The following PHC1 variants were observed in gnomAD, a reference collection of about 807,000 sequenced individuals.
The protein encoded by PHC1 is polyhomeotic homolog 1.
Under a neutral mutation model 104.3 loss-of-function variants are expected in PHC1, and 12 were observed. The ratio of observed to expected loss-of-function variants is 0.12; its 90% CI spans 0.07 to 0.19. The LOEUF (loss-of-function observed/expected upper bound fraction) is 0.19. Ranked by LOEUF, PHC1 falls within the 10% of genes least tolerant of loss-of-function variation. PHC1 has a pLI of 1.00. For synonymous variants in PHC1, 302 were observed against 455.8 expected, an observed-to-expected ratio of 0.66 and a Z score of 4.30; for missense variants, 671 against 1,200.0, an observed-to-expected ratio of 0.56 and a Z score of 6.51.
intron 6 of PHC1, among the ~76,000 whole-genome samples, chr12:8,923,762 G>A (rs1313441589): frequency 8.0e-5 from 12 of 150,684 alleles, no homozygotes; most frequent in African/African-American, 2.0e-4. Flanking sequence ...CCCGGGAGGC[G>A]GAGCTTGCAG....
At chr12:8,932,191 CAGCCTTTGAGA>C (rs57340788) in intron 7 of PHC1, among the ~76,000 whole-genome samples, 55,684 of 151,878 alleles carry the variant, frequency 0.37, 10,595 homozygotes, top group Admixed American at 0.43. Context: ...AACATGGATT[CAGCCTTTGAGA>C]AACTCCAAGT....
intron 3 of PHC1, among the ~76,000 whole-genome samples, chr12:8,920,205 A>G (rs1035157114): frequency 6.6e-6 from 1 of 152,260 alleles, no homozygotes; most frequent in Non-Finnish European, 1.5e-5. Context: ...GTACAAAAAA[A>G]GGTAAAATAT....
intron 10 of PHC1, 32 bp from the exon 11 acceptor site, chr12:8,935,092 G>A: frequency 1.7e-6 from 2 of 1,154,248 alleles, no homozygotes; most frequent in Non-Finnish European, 2.5e-6. Flanking sequence ...AGGGGATCAG[G>A]CTAACTTAAC....
Position 8,937,302 on chromosome 12 carries a change from C to G in PHC1, c.2604C>G (p.Ala868=). 1 of 1,609,814 alleles carries G rather than the reference C, an allele frequency of 6.2e-7. No individual in the cohort carries two copies. The highest frequency in any genetic ancestry group is 8.5e-7 in the Non-Finnish European group (1 of 1,177,972). Reference sequence around the variant, plus strand: ...GCAGCTCCTCTGACATTGCCCGTGCCAAGATTCAGGGCAAGTGCCACCGGG... The same window carrying G: ...GCAGCTCCTCTGACATTGCCCGTGCGAAGATTCAGGGCAAGTGCCACCGGG... ...PRRSSSDIAR[A]KIQGKCHRGQ... Residue 868 remains alanine, a synonymous_variant, in exon 13 of 15, where the codon GCC becomes GCG. Coordinates refer to ENST00000544916, the MANE Select transcript of PHC1 (RefSeq NM_004426.3).
At position 8,932,874 on chromosome 12, in the gene PHC1, G is replaced by T. The variant is rs746879290; in HGVS notation, c.1417G>T (p.Val473Phe). 9.1e-7 allele frequency: 1 copy of T among 1,103,748 alleles called. No homozygotes were observed. The highest frequency in any genetic ancestry group is 2.4e-5 in the East Asian group (1 of 41,248). 68.4% of individuals were successfully genotyped at this position (1,103,748 alleles called of 1,614,324 possible). A position where few individuals can be genotyped will look rare whatever the true frequency, so the allele number is the denominator to read the frequency against. ...CCAGCAGCAAGCCCAAACCCTGGTC[G>T]TTCAGCCCATGCTTCAGTCTTCACC... ...QSQQQAQTLV[V>F]QPMLQSSPLS... The change falls in exon 8 of 15, where the codon GTT becomes TTT. Residue 473 changes from valine to phenylalanine, a missense_variant. This residue lies in a region of PHC1 where 26 missense variants were observed against 130.8 expected (regional missense o/e 0.20). Coordinates refer to ENST00000544916, the MANE Select transcript of PHC1 (RefSeq NM_004426.3).
chr12:8,935,620 C>CT (rs1438552519), intron 11 of PHC1, among the ~76,000 whole-genome samples: 1 of 151,796 alleles, frequency 6.6e-6, no homozygotes, highest in Admixed American at 6.5e-5. Context: ...GAGCGAGACT[C>CT]TGTCTCAAAA....
intron 14 of PHC1, 75 bp from the exon 15 acceptor site, chr12:8,939,230 C>G (rs773206650): frequency 6.4e-7 from 1 of 1,554,554 alleles, no homozygotes; most frequent in Admixed American, 1.8e-5. Flanking sequence ...TTAATCATTG[C>G]TAGACCTCAG....
intron 6 of PHC1, among the ~76,000 whole-genome samples, chr12:8,923,761 C>T (rs1010430043): frequency 3.6e-5 from 5 of 140,460 alleles, no homozygotes; most frequent in Non-Finnish European, 7.5e-5. Context: ...ACCCGGGAGG[C>T]GGAGCTTGCA....
chr12:8,938,445 CTT>C (rs11399108), intron 14 of PHC1, among the ~76,000 whole-genome samples: 13 of 142,218 alleles, frequency 9.1e-5, no homozygotes, highest in Non-Finnish European at 9.1e-5. Context: ...TGCTAGTCTT[CTT>C]TTTTTTTTTT....
Position 8,922,720 on chromosome 12 carries a change from G to A in PHC1, c.544G>A (p.Ala182Thr), listed in dbSNP as rs756527116. 6.2e-6 allele frequency: 10 copies of A among 1,611,640 alleles called. No homozygotes were observed. The highest frequency in any genetic ancestry group is 3.3e-5 in the South Asian group (3 of 90,282). ...CCAACTCATCCTGATGCCTAATGGG[G>A]CGGTGGCTGCAGTCCAGCAGGAGGT... is the stretch of plus-strand genomic sequence containing the variant. ...ASQLILMPNG[A>T]VAAVQQEVPS... is the part of the protein sequence containing the mutation. The change falls in exon 6 of 15, where the codon GCG becomes ACG. Residue 182 changes from alanine to threonine, a missense_variant. Coordinates refer to ENST00000544916, the MANE Select transcript of PHC1 (RefSeq NM_004426.3).
At chr12:8,926,057 A>G (rs369814064) in intron 6 of PHC1, among the ~76,000 whole-genome samples, 2 of 152,174 alleles carry the variant, frequency 1.3e-5, no homozygotes, top group Admixed American at 1.3e-4. Flanking sequence ...CAGATAGGAA[A>G]TCTGTGGGGT....
intron 10 of PHC1, among the ~76,000 whole-genome samples, chr12:8,934,726 G>C (rs973615790): frequency 6.6e-6 from 1 of 152,142 alleles, no homozygotes; most frequent in African/African-American, 2.4e-5. Flanking sequence ...AGATAAACTA[G>C]TTTGTTTTAT....
chr12:8,929,812 G>A (rs999942350), intron 6 of PHC1, among the ~76,000 whole-genome samples: 6 of 152,102 alleles, frequency 3.9e-5, no homozygotes, highest in Non-Finnish European at 1.5e-5. Context: ...GAGTCATAGC[G>A]CCCAGCCTAA....
intron 6 of PHC1, among the ~76,000 whole-genome samples, chr12:8,925,688 G>A (rs1051578499): frequency 6.6e-6 from 1 of 152,148 alleles, no homozygotes; most frequent in Non-Finnish European, 1.5e-5. Flanking sequence ...TAGACGGGTA[G>A]GAGGAACCTT....
Position 8,919,846 on chromosome 12 carries a change from A to T in PHC1, c.205A>T (p.Ser69Cys), listed in dbSNP as rs762279935. The T allele has an allele frequency of 6.2e-7, 1 of 1,602,374 alleles. No individual in the cohort carries two copies. The highest frequency in any genetic ancestry group is 1.7e-5 in the Admixed American group (1 of 58,592). Reference protein sequence around the residue: ...QQQLSNAQLHSLAAVQQATIA... With the variant: ...QQQLSNAQLHCLAAVQQATIA... ...GCAGCTCAGTAATGCCCAGCTGCATAGCCTGGCTGCCGTCCAGCAGGTGAG... is the reference window on the plus strand; with the variant it reads ...GCAGCTCAGTAATGCCCAGCTGCATTGCCTGGCTGCCGTCCAGCAGGTGAG... The change falls in exon 3 of 15, where the codon AGC (serine) becomes TGC (cysteine). Residue 69 changes from serine to cysteine, a missense_variant. Transcript: ENST00000544916. The surrounding 1 kb of genome is among the most constrained non-coding windows in gnomAD (Gnocchi z 4.9).
At position 8,922,444 on chromosome 12, in the gene PHC1, A is replaced by T. The variant is rs1805779; in HGVS notation, c.457-189A>T. Among the ~76,000 whole-genome samples the T allele has an allele frequency of 1.7e-3, 261 of 152,254 alleles. 1 individual carries two copies. The highest frequency in any genetic ancestry group is 3.4e-3 in the Middle Eastern group (1 of 294). On this transcript the variant is annotated intron_variant, in intron 5 of 14. Transcript: ENST00000544916. ...GACATCAATCTGTAGTTTTCTATGC[A>T]TTCTAGGTTTTCTTCTGGATGGTTC...
chr12:8,933,543 A>T (rs754042632), intron 8 of PHC1, 193 bp downstream of exon 8: 2 of 817,174 alleles, frequency 2.4e-6, no homozygotes, highest in South Asian at 4.4e-5. Flanking sequence ...TGTTGCTGAT[A>T]CTATTCTGGG....
At chr12:8,935,433 C>T (rs1208046011) in intron 11 of PHC1, among the ~76,000 whole-genome samples, 195 bp downstream of exon 11, 1 of 152,170 alleles carries the variant, frequency 6.6e-6, no homozygotes, top group Non-Finnish European at 1.5e-5. Context: ...TGAGACCAGT[C>T]TGGCCAACAT....
chr12:8,924,333 C>G (rs757634243), intron 6 of PHC1, among the ~76,000 whole-genome samples: 1 of 151,902 alleles, frequency 6.6e-6, no homozygotes, highest in Non-Finnish European at 1.5e-5. Context: ...AAAAATTAGC[C>G]GGGCATGGTG....
Sources: gnomAD v4.1 joint callset for allele counts (sites outside exome capture counted in the v4.1 genomes callset) on GRCh38, gnomAD v4.1.1 for gene constraint, gnomAD v4.1.1 regional missense constraint, Gnocchi (gnomAD v3.1) non-coding constraint, MANE v1.5 for transcripts, NCBI Gene and HGNC (gene_info 2026-07-23, HGNC 2026-07-21) for gene names.